The following TAOK2 variants were observed in gnomAD, a reference collection of about 807,000 sequenced individuals.
TAOK2 encodes the protein serine/threonine-protein kinase TAO2.
Under a neutral mutation model 122.5 loss-of-function variants are expected in TAOK2, and 42 were observed. That is an observed-to-expected ratio of 0.34 (90% CI 0.27 to 0.44). TAOK2 has a LOEUF of 0.44. Ranked by LOEUF, TAOK2 falls within the 20% of genes least tolerant of loss-of-function variation. The probability of loss-of-function intolerance (pLI) is 1.00; values close to 1 mark genes in which losing one functional copy is unlikely to be tolerated. For synonymous variants in TAOK2, 704 were observed against 677.6 expected, an observed-to-expected ratio of 1.04 and a Z score of -0.61; for missense variants, 1,264 against 1,644.9, an observed-to-expected ratio of 0.77 and a Z score of 4.01.
Position 29,985,958 on chromosome 16 carries a change from C to A in TAOK2, c.1992+97C>A. On this transcript the variant is annotated intron_variant, in intron 15 of 15. Transcript: ENST00000308893. The surrounding 1 kb of genome is among the most constrained non-coding windows in gnomAD (Gnocchi z 6.9). ...TCATTCTTGTCTTCTTTCTCCTTGG[C>A]CCTCGAGTGTTACAGTTCAGCTTTG... 2 of 1,410,564 alleles carry A rather than the reference C, an allele frequency of 1.4e-6. No individual in the cohort carries two copies. Among genetic ancestry groups the A allele is most frequent in the Non-Finnish European group, 1.9e-6 (2 of 1,031,838 alleles). The allele number at this position is 1,410,564 out of a possible 1,614,324, so 87.4% of individuals were successfully genotyped here.
intron 1 of TAOK2, among the ~76,000 whole-genome samples, chr16:29,976,967 A>G (rs1333006980): frequency 6.6e-6 from 1 of 152,216 alleles, no homozygotes; most frequent in Non-Finnish European, 1.5e-5. Context: ...GGGAAATCAT[A>G]GTACTTGCTT....
intron 1 of TAOK2, 121 bp from the exon 2 acceptor site, chr16:29,977,617 C>T: frequency 1.1e-6 from 1 of 951,996 alleles, no homozygotes; most frequent in Non-Finnish European, 1.5e-6. Context: ...CCTCCCCTTC[C>T]TCAGCAGTGC....
Position 29,979,052 on chromosome 16 carries a change from C to G in TAOK2, c.431C>G (p.Ser144Cys). ...CTTCAGGGCCTGGCATATCTGCACT[C>G]CCACAACATGATCCATAGGTACAAG... Reference protein sequence around the residue: ...GALQGLAYLHSHNMIHRDVKA... With the variant: ...GALQGLAYLHCHNMIHRDVKA... Residue 144 changes from serine (S) to cysteine (C), a missense_variant, in exon 6 of 16, where the codon TCC becomes TGC. By Grantham distance (112) the Ser-to-Cys change is moderately radical (BLOSUM62 -1). Coordinates refer to ENST00000308893, the MANE Select transcript of TAOK2 (RefSeq NM_016151.4). The surrounding 1 kb of genome is among the most constrained non-coding windows in gnomAD (Gnocchi z 4.1). The G allele has an allele frequency of 6.2e-7, 1 of 1,614,164 alleles. No individual in the cohort carries two copies. Among genetic ancestry groups the G allele is most frequent in the African/African-American group, 1.3e-5 (1 of 75,034 alleles).
At chr16:29,989,716 A>C (rs1464833952), downstream of TAOK2, 2 of 1,613,998 alleles carry the variant, frequency 1.2e-6, no homozygotes, top group Admixed American at 1.7e-5. Flanking sequence ...GAGCCTCCTT[A>C]AGCGGCTCAA....
chr16:29,988,353 A>C lies in TAOK2; in HGVS notation c.*373A>C. The C allele has an allele frequency of 5.9e-6, 8 of 1,360,284 alleles. No homozygotes were observed. The highest frequency in any genetic ancestry group is 7.7e-6 in the Non-Finnish European group (8 of 1,035,572). 84.3% of individuals were successfully genotyped at this position (1,360,284 alleles called of 1,614,324 possible). A position where few individuals can be genotyped will look rare whatever the true frequency, so the allele number is the denominator to read the frequency against. The stretch of plus-strand genomic sequence containing the variant: ...CAACCTGTCCCCTTCCCCCCACCAA[A>C]AAAAGAAAAAGACAAACACAAATAA... On this transcript the variant is annotated 3_prime_UTR_variant, in exon 16 of 16. Transcript: ENST00000308893.
rs111456458 is a variant in TAOK2, at chr16:29,979,949, G to T, written c.655+441G>T. Among the ~76,000 whole-genome samples the T allele has an allele frequency of 7.0e-4, 107 of 152,332 alleles. No individual in the cohort carries two copies. Among genetic ancestry groups the T allele is most frequent in the African/African-American group, 2.4e-3 (101 of 41,580 alleles). On this transcript the variant is annotated intron_variant, in intron 8 of 15. Transcript: ENST00000308893. This position sits in a 1 kb window ranked among gnomAD's most constrained non-coding sequence, Gnocchi z 4.1. ...TGACCTAGTTTAGGGGCTGAAGAAG[G>T]CCTCCTTGTAGGAGAATATTGAAGC...
At chr16:29,977,619 C>T (rs1453127071) in intron 1 of TAOK2, 119 bp from the exon 2 acceptor site, 12 of 962,602 alleles carry the variant, frequency 1.2e-5, no homozygotes, top group Non-Finnish European at 1.6e-5. Context: ...TCCCCTTCCT[C>T]AGCAGTGCCT....
rs758131864 is a variant in TAOK2, at chr16:29,983,269, G to A, written c.1197G>A (p.Met399Ile). Residue 399 changes from methionine (M) to isoleucine (I), a missense_variant, in exon 12 of 16, where the codon ATG becomes ATA. Transcript: ENST00000308893. ...AAGAAGGCCCTGAAGCCCGGGAGAT[G>A]GCCATGATGCAGGAGGGGGAGCACA... ...EEEEGPEARE[M>I]AMMQEGEHTV... 1.9e-6 allele frequency: 3 copies of A among 1,606,952 alleles called. No individual in the cohort carries two copies. In the African/African-American group the frequency reaches 4.0e-5, roughly 21 times the overall value.
chr16:29,988,204 T>C lies in TAOK2; in HGVS notation c.*224T>C. On this transcript the variant is annotated 3_prime_UTR_variant, in exon 16 of 16. Coordinates refer to ENST00000308893, the MANE Select transcript of TAOK2 (RefSeq NM_016151.4). ...TGGCGCTCCTCCCCTAAGTTATTGCTGTTCGCCCGCTGTGTGTGCTCATCC... is the reference window on the plus strand; with the variant it reads ...TGGCGCTCCTCCCCTAAGTTATTGCCGTTCGCCCGCTGTGTGTGCTCATCC... 1 of 1,433,414 alleles carries C rather than the reference T, an allele frequency of 7.0e-7. No homozygotes were observed. The highest frequency in any genetic ancestry group is 1.4e-5 in the African/African-American group (1 of 69,742). 88.8% of individuals were successfully genotyped at this position (1,433,414 alleles called of 1,614,324 possible).
chr16:29,991,491 G>A (rs1350427220), downstream of TAOK2: 45 of 1,478,148 alleles, frequency 3.0e-5, no homozygotes, highest in Middle Eastern at 2.0e-4. This position sits in a 1 kb window ranked among gnomAD's most constrained non-coding sequence, Gnocchi z 5.6. Flanking sequence ...CCCTGCTGCC[G>A]CGGTGCCCGG....
chr16:29,986,498 C>T lies in TAOK2; in HGVS notation c.2226C>T (p.Ser742=), dbSNP rs2069798585. The T allele has an allele frequency of 6.2e-7, 1 of 1,608,836 alleles. No homozygotes were observed. Among genetic ancestry groups the T allele is most frequent in the Admixed American group, 1.7e-5 (1 of 59,062 alleles). ...HAAQVRQQPK[S]LKVRAGQRPP... is the part of the protein sequence containing the mutation. ...CCCAGGTTCGCCAGCAGCCCAAGAG[C>T]CTCAAAGTACGTGCAGGCCAGCGCC... The change falls in exon 16 of 16, where the codon AGC becomes AGT. Residue 742 remains serine, a synonymous_variant. Coordinates refer to ENST00000308893, the MANE Select transcript of TAOK2 (RefSeq NM_016151.4). This position sits in a 1 kb window ranked among gnomAD's most constrained non-coding sequence, Gnocchi z 4.2.
intron 2 of TAOK2, 79 bp from the exon 3 acceptor site, chr16:29,978,010 C>T: frequency 1.9e-6 from 3 of 1,611,516 alleles, no homozygotes; most frequent in Non-Finnish European, 1.7e-6. Context: ...TCTTTCCTGC[C>T]TTCTCTTGCT....
At chr16:29,990,933 G>A (rs1255032250), downstream of TAOK2, 1 of 1,613,182 alleles carries the variant, frequency 6.2e-7, no homozygotes, top group Non-Finnish European at 8.5e-7. Flanking sequence ...TGGAGCAGAG[G>A]GTCGCGCTGC....
downstream of TAOK2, chr16:29,990,950 C>T: frequency 6.2e-7 from 1 of 1,612,154 alleles, no homozygotes. Flanking sequence ...CTGCGGCGGG[C>T]ACTGCTGGAG....
chr16:29,985,684 C>T lies in TAOK2; in HGVS notation c.1815C>T (p.Pro605=). 1.2e-6 allele frequency: 2 copies of T among 1,608,562 alleles called. No homozygotes were observed. Among genetic ancestry groups the T allele is most frequent in the Non-Finnish European group, 1.7e-6 (2 of 1,177,768 alleles). The change falls in exon 15 of 16, where the codon CCC becomes CCT. Residue 605 remains proline (P), a synonymous_variant. Transcript: ENST00000308893. This position sits in a 1 kb window ranked among gnomAD's most constrained non-coding sequence, Gnocchi z 6.9. ...AGCTCCAGGAGAACCCCAGCACTCC[C>T]AAGCGGGAGAAGGCCGAGTGGCTGC... The part of the protein sequence containing the change: ...KEELQENPST[P]KREKAEWLLR...
At position 29,986,246 on chromosome 16, in the gene TAOK2, T is replaced by C. The variant is rs2150902599; in HGVS notation, c.1993-19T>C. On this transcript the variant is annotated intron_variant, in intron 15 of 15. Coordinates refer to ENST00000308893, the MANE Select transcript of TAOK2 (RefSeq NM_016151.4). This position sits in a 1 kb window ranked among gnomAD's most constrained non-coding sequence, Gnocchi z 4.2. ...TTGATACTGACCAGGCCCCGGGCCC[T>C]GCATTTCTTCTGCCTCAGGACCTGA... 1 of 1,508,210 alleles carries C rather than the reference T, an allele frequency of 6.6e-7. No homozygotes were observed. The highest frequency in any genetic ancestry group is 2.3e-5 in the East Asian group (1 of 43,056). The allele number at this position is 1,508,210 out of a possible 1,614,324, so 93.4% of individuals were successfully genotyped here. A position where few individuals can be genotyped will look rare whatever the true frequency, so the allele number is the denominator to read the frequency against.
rs1314042631 is a variant in TAOK2 at position 29,985,472 on chromosome 16, A to G, written c.1682A>G (p.Glu561Gly). The G allele has an allele frequency of 6.2e-7, 1 of 1,613,006 alleles. No individual in the cohort carries two copies. The highest frequency in any genetic ancestry group is 8.5e-7 in the Non-Finnish European group (1 of 1,179,642). ...EKEARAAQAE[E>G]RKFQQHILGQ... Reference sequence around the variant, plus strand: ...GAGGCACGAGCTGCCCAGGCCGAGGAGCGGAAGTTCCAGCAGCACATCCTT... The same window carrying G: ...GAGGCACGAGCTGCCCAGGCCGAGGGGCGGAAGTTCCAGCAGCACATCCTT... The change falls in exon 14 of 16, where the codon GAG becomes GGG. Residue 561 changes from glutamate to glycine, a missense_variant. Transcript: ENST00000308893. The surrounding 1 kb of genome is among the most constrained non-coding windows in gnomAD (Gnocchi z 6.9).
At chr16:29,974,767 GAGT>G (rs1567235717) in intron 1 of TAOK2, 119 bp downstream of exon 1, 1 of 152,436 alleles carries the variant, frequency 6.6e-6, no homozygotes, top group Non-Finnish European at 1.5e-5. Context: ...CCAGCTGAGC[GAGT>G]GGTCAGCCTC....
Position 29,979,474 on chromosome 16 carries a change from C to T in TAOK2, c.621C>T (p.Asp207=), listed in dbSNP as rs377056032. ...MDEGQYDGKV[D]VWSLGITCIE... is the part of the protein sequence containing the mutation. ...AGGGGCAGTACGATGGCAAAGTGGA[C>T]GTCTGGTCCTTGGGGATAACCTGCA... The change falls in exon 8 of 16, where the codon GAC becomes GAT. Residue 207 remains aspartate, a synonymous_variant. Transcript: ENST00000308893. This position sits in a 1 kb window ranked among gnomAD's most constrained non-coding sequence, Gnocchi z 4.1. 71 of 1,565,804 alleles carry T rather than the reference C, an allele frequency of 4.5e-5. No individual in the cohort carries two copies. Among genetic ancestry groups the T allele is most frequent in the Admixed American group, 3.7e-5 (2 of 54,278 alleles).
Sources: allele counts gnomAD v4.1 joint callset (sites outside exome capture counted in the v4.1 genomes callset), GRCh38; gene constraint gnomAD v4.1.1; non-coding constraint Gnocchi (gnomAD v3.1); transcripts MANE v1.5; gene names NCBI Gene and HGNC (gene_info 2026-07-23, HGNC 2026-07-21).